Variants in OR51B5 observed in about 807,000 individuals in gnomAD.
OR51B5 encodes the protein olfactory receptor family 51 subfamily B member 5, also known as olfactory receptor 51B5.
For synonymous variants in OR51B5, 186 were observed against 144.8 expected, an observed-to-expected ratio of 1.28 and a Z score of -2.04; for missense variants, 456 against 374.6, an observed-to-expected ratio of 1.22 and a Z score of -1.79.
At chr11:5,349,191 T>C (rs989523775) in intron 1 of OR51B5, among the ~76,000 whole-genome samples, 5 of 152,152 alleles carry the variant, frequency 3.3e-5, no homozygotes, top group Non-Finnish European at 7.4e-5. Context: ...TCATCTCATA[T>C]ACCACAAAAG....
upstream of OR51B5, chr11:5,343,664 T>C: frequency 1.9e-6 from 1 of 537,772 alleles, no homozygotes; most frequent in East Asian, 3.0e-5. Flanking sequence ...TAAGTGATTG[T>C]TTCTCAAAAT....
At chr11:5,403,152 C>T in intron 1 of OR51B5, 1 of 466,508 alleles carries the variant, frequency 2.1e-6, no homozygotes, top group Non-Finnish European at 4.4e-6. Context: ...GTCTGCACCC[C>T]AATCTTATCT....
At chr11:5,466,670 A>G (rs1851142869) in intron 1 of OR51B5, among the ~76,000 whole-genome samples, 1 of 152,234 alleles carries the variant, frequency 6.6e-6, no homozygotes, top group African/African-American at 2.4e-5. Context: ...ATAAGTAAGT[A>G]TAGCTTTCTG....
At chr11:5,376,502 CA>C (rs1168458590) in intron 1 of OR51B5, among the ~76,000 whole-genome samples, 1 of 152,000 alleles carries the variant, frequency 6.6e-6, no homozygotes, top group Admixed American at 6.6e-5. Context: ...AAAAACCCTT[CA>C]AAAAATTAAT....
upstream of OR51B5, chr11:5,346,814 C>T (rs535565270): frequency 6.6e-6 from 1 of 152,072 alleles, no homozygotes; most frequent in East Asian, 1.9e-4. Context: ...GAGTATTTCA[C>T]CATACTCCCA....
rs1208309771 is a variant in OR51B5, at chr11:5,390,186, T to G, written n.85-43276A>C. On this transcript the variant is annotated intron_variant and non_coding_transcript_variant, in intron 1 of 4. Coordinates refer to the OR51B5 transcript ENST00000415970. ...GCTCCTCTCTGTGCTGTGCTAGTATTCTTTGTGCCCATGATGGGGCTGTCC... is the reference window on the plus strand; with the variant it reads ...GCTCCTCTCTGTGCTGTGCTAGTATGCTTTGTGCCCATGATGGGGCTGTCC... 4 of 1,614,028 alleles carry G rather than the reference T, an allele frequency of 2.5e-6. No homozygotes were observed. In the Admixed American group the frequency reaches 6.7e-5, roughly 27 times the overall value.
intron 1 of OR51B5, among the ~76,000 whole-genome samples, chr11:5,437,860 G>A (rs1850613666): frequency 6.6e-6 from 1 of 152,130 alleles, no homozygotes. Flanking sequence ...AGGGTGTATT[G>A]AGAGAAGGAA....
chr11:5,347,311 G>C (rs1018940714), upstream of OR51B5, among the ~76,000 whole-genome samples: 2 of 152,162 alleles, frequency 1.3e-5, no homozygotes, highest in South Asian at 4.1e-4. Context: ...GCTTGGTTTA[G>C]ATCAGAGAAA....
intron 1 of OR51B5, among the ~76,000 whole-genome samples, chr11:5,471,430 G>A (rs1851226547): frequency 6.6e-6 from 1 of 152,094 alleles, no homozygotes; most frequent in Admixed American, 6.5e-5. Context: ...GAGGTCAGGA[G>A]TTTGAGACCA....
chr11:5,406,666 C>T (rs1850062057), intron 1 of OR51B5, among the ~76,000 whole-genome samples: 2 of 152,114 alleles, frequency 1.3e-5, no homozygotes, highest in East Asian at 3.9e-4. Context: ...TGTTTCAAGC[C>T]AATTCTCCTG....
chr11:5,505,412 T>A, intron 1 of OR51B5: 1 of 1,304,240 alleles, frequency 7.7e-7, no homozygotes, highest in Non-Finnish European at 1.0e-6. Context: ...AGCACCACCA[T>A]AAACAATAGG....
chr11:5,341,315 G>T (rs1203926985), downstream of OR51B5: 2 of 151,648 alleles, frequency 1.3e-5, no homozygotes, highest in Non-Finnish European at 2.9e-5. Context: ...TAAGGAGCAG[G>T]GGCCATTTTC....
At chr11:5,410,765 C>G (rs1401628107) in intron 1 of OR51B5, among the ~76,000 whole-genome samples, 1 of 152,088 alleles carries the variant, frequency 6.6e-6, no homozygotes, top group Admixed American at 6.6e-5. Flanking sequence ...AAACAATATA[C>G]TGATGATCTT....
intron 1 of OR51B5, among the ~76,000 whole-genome samples, chr11:5,348,783 C>G (rs1199881718): frequency 6.6e-6 from 1 of 152,146 alleles, no homozygotes; most frequent in East Asian, 1.9e-4. Context: ...TTTGGCAACA[C>G]CCTTACAGCA....
intron 1 of OR51B5, chr11:5,403,339 G>A (rs1399414454): frequency 4.2e-6 from 2 of 471,490 alleles, no homozygotes; most frequent in South Asian, 1.5e-5. Flanking sequence ...TCACACGTCT[G>A]TGCTGTGCTT....
chr11:5,489,309 T>C (rs1355143143), intron 1 of OR51B5: 23 of 1,608,740 alleles, frequency 1.4e-5, no homozygotes, highest in Non-Finnish European at 1.9e-5. Flanking sequence ...ATATTGTCTA[T>C]GGGCTAACTG....
At chr11:5,359,038 TAC>T (rs1250207856) in intron 1 of OR51B5, among the ~76,000 whole-genome samples, 11 of 152,040 alleles carry the variant, frequency 7.2e-5, no homozygotes, top group Non-Finnish European at 1.5e-4. Flanking sequence ...GCCAATATCA[TAC>T]TGAATGGACA....
rs753723832 is a variant in OR51B5 at position 5,422,840 on chromosome 11, C to T, written n.85-75930G>A. The T allele has an allele frequency of 3.7e-6, 6 of 1,614,164 alleles. No homozygotes were observed. In the South Asian group the frequency reaches 6.6e-5, roughly 18 times the overall value. Reference sequence around the variant, plus strand: ...CTTGCTCATTATTATCGTGGATCCTCTGCTCATTGTGATCTCCTATACACT... The same window carrying T: ...CTTGCTCATTATTATCGTGGATCCTTTGCTCATTGTGATCTCCTATACACT... On this transcript the variant is annotated intron_variant and non_coding_transcript_variant, in intron 1 of 4. Coordinates refer to the OR51B5 transcript ENST00000415970.
chr11:5,421,842 A>AT (rs1850343683), intron 1 of OR51B5, among the ~76,000 whole-genome samples: 1 of 152,218 alleles, frequency 6.6e-6, no homozygotes, highest in Non-Finnish European at 1.5e-5. Flanking sequence ...AATAGAGTTC[A>AT]TTTTTAGCCT....
Sources: allele counts gnomAD v4.1 joint callset (sites outside exome capture counted in the v4.1 genomes callset), GRCh38; gene constraint gnomAD v4.1.1; transcripts MANE v1.5; gene names NCBI Gene and HGNC (gene_info 2026-07-23, HGNC 2026-07-21).